Variants in TRAPPC8 observed in about 807,000 individuals in gnomAD.
TRAPPC8 encodes general sporulation gene 1 homolog.
TRAPPC8 carries 54 observed loss-of-function variants against 174.3 expected under a neutral mutation model. That is an observed-to-expected ratio of 0.31 (90% CI 0.25 to 0.39). TRAPPC8 has a LOEUF of 0.39. TRAPPC8 is among the 10% of genes least tolerant of loss of function. TRAPPC8 has a pLI of 1.00. For missense variants in TRAPPC8, 1,531 were observed against 1,699.1 expected (o/e 0.90, Z 1.74); for synonymous variants, 630 against 579.9 (o/e 1.09, Z -1.24).
chr18:31,927,159 G>C (rs1031814276), intron 2 of TRAPPC8, among the ~76,000 whole-genome samples: 5 of 152,100 alleles, frequency 3.3e-5, no homozygotes, highest in Non-Finnish European at 5.9e-5. Context: ...CTAGGTTGGA[G>C]TGCAGTTGCG....
At chr18:31,930,472 T>C (rs1455806027) in intron 2 of TRAPPC8, among the ~76,000 whole-genome samples, 1 of 152,220 alleles carries the variant, frequency 6.6e-6, no homozygotes, top group East Asian at 1.9e-4. Context: ...TATTAGATTA[T>C]AAACTATCCT....
At chr18:31,850,266 T>G (rs1278351904) in intron 24 of TRAPPC8, among the ~76,000 whole-genome samples, 1 of 152,110 alleles carries the variant, frequency 6.6e-6, no homozygotes, top group Non-Finnish European at 1.5e-5. Flanking sequence ...TTACCCTGAA[T>G]CTTAAAGCCG....
intron 12 of TRAPPC8, chr18:31,883,238 A>T (rs1336280428): frequency 1.3e-5 from 2 of 151,688 alleles, no homozygotes; most frequent in Non-Finnish European, 2.9e-5. Flanking sequence ...AAAAAAAAAA[A>T]AAAAAGAGAG....
At position 31,916,342 on chromosome 18, in the gene TRAPPC8, T is replaced by G. The variant is rs1457063447; in HGVS notation, c.547A>C (p.Lys183Gln). 2 of 1,613,538 alleles carry G rather than the reference T, an allele frequency of 1.2e-6. No homozygotes were observed. Residue 183 changes from lysine (K) to glutamine (Q), a missense_variant, in exon 4 of 29, where the codon AAG (lysine) becomes CAG (glutamine). Physicochemically the swap from Lys to Gln is moderately conservative, Grantham distance 53. Coordinates refer to ENST00000283351, the MANE Select transcript of TRAPPC8 (RefSeq NM_014939.5). ...TTAAGTGTATTTGGTATAAACCACT[T>G]GGGGTAGGAATAATCACTGTTGTGC... ...IQHNSDYSYP[K>Q]WFIPNTLKYY... is the part of the protein sequence containing the mutation.
At chr18:31,936,561 A>C (rs924808157) in intron 1 of TRAPPC8, among the ~76,000 whole-genome samples, 5 of 152,190 alleles carry the variant, frequency 3.3e-5, no homozygotes, top group African/African-American at 1.2e-4. Flanking sequence ...TAATTACTTC[A>C]TTATATAAAC....
intron 2 of TRAPPC8, among the ~76,000 whole-genome samples, chr18:31,925,845 C>T (rs996693835): frequency 1.4e-5 from 2 of 147,150 alleles, no homozygotes; most frequent in African/African-American, 4.9e-5. Flanking sequence ...TGATTTATAA[C>T]TAACAATGTA....
chr18:31,908,666 A>T, intron 7 of TRAPPC8, 88 bp downstream of exon 7: 1 of 1,351,380 alleles, frequency 7.4e-7, no homozygotes. Flanking sequence ...AAACGAAAAT[A>T]AAACAAAACT....
chr18:31,856,857 G>A (rs1242844921), intron 20 of TRAPPC8, among the ~76,000 whole-genome samples: 1 of 125,750 alleles, frequency 8.0e-6, no homozygotes, highest in Non-Finnish European at 1.6e-5. Flanking sequence ...TGTCACCCAA[G>A]CTGGAGGACA....
At chr18:31,940,194 C>T (rs957200313) in intron 1 of TRAPPC8, among the ~76,000 whole-genome samples, 18 of 152,114 alleles carry the variant, frequency 1.2e-4, no homozygotes, top group African/African-American at 3.1e-4. Flanking sequence ...AAACTAATTT[C>T]GGCCGGGCAC....
At chr18:31,923,290 G>GA (rs1555679913) in intron 2 of TRAPPC8, among the ~76,000 whole-genome samples, 2 of 151,974 alleles carry the variant, frequency 1.3e-5, no homozygotes, top group Admixed American at 6.6e-5. Flanking sequence ...CCTAAGTGGG[G>GA]AAAAAAAGAC....
intron 1 of TRAPPC8, among the ~76,000 whole-genome samples, chr18:31,940,914 G>GT (rs2038309305): frequency 1.0e-5 from 1 of 98,792 alleles, no homozygotes; most frequent in East Asian, 2.1e-4. Context: ...AGAACACAAT[G>GT]TCTTGAGTCA....
At chr18:31,877,498 C>T (rs917932734) in intron 12 of TRAPPC8, among the ~76,000 whole-genome samples, 1 of 151,262 alleles carries the variant, frequency 6.6e-6, no homozygotes, top group African/African-American at 2.4e-5. Context: ...TGTAGTCCCA[C>T]CTACTCGGGA....
intron 13 of TRAPPC8, 192 bp downstream of exon 13, chr18:31,874,288 C>A: frequency 3.7e-6 from 2 of 536,028 alleles, no homozygotes; most frequent in South Asian, 3.1e-5. Context: ...TATTAAAATT[C>A]TCTTTTCAAG....
At chr18:31,909,639 G>C in intron 6 of TRAPPC8, 28 bp downstream of exon 6, 1 of 1,579,940 alleles carries the variant, frequency 6.3e-7, no homozygotes, top group Non-Finnish European at 8.5e-7. Flanking sequence ...TCAATCAAAA[G>C]AGAAACTTAG....
chr18:31,855,313 T>C (rs938629969), intron 21 of TRAPPC8, among the ~76,000 whole-genome samples: 1 of 152,250 alleles, frequency 6.6e-6, no homozygotes, highest in South Asian at 2.1e-4. Context: ...CAAGTTAATA[T>C]TGAATGTGAT....
At chr18:31,907,936 AT>A (rs1038425322) in intron 8 of TRAPPC8, among the ~76,000 whole-genome samples, 1 of 152,230 alleles carries the variant, frequency 6.6e-6, no homozygotes, top group African/African-American at 2.4e-5. Context: ...TGGATTAATT[AT>A]ATTTTTTCCT....
At chr18:31,922,076 T>C (rs1254996584) in intron 2 of TRAPPC8, among the ~76,000 whole-genome samples, 2 of 152,190 alleles carry the variant, frequency 1.3e-5, no homozygotes, top group Admixed American at 6.5e-5. Flanking sequence ...TAGATTTTTA[T>C]TGTGTTTTAA....
intron 9 of TRAPPC8, among the ~76,000 whole-genome samples, chr18:31,904,827 C>T (rs1409179714): frequency 6.6e-6 from 1 of 151,874 alleles, no homozygotes; most frequent in Non-Finnish European, 1.5e-5. Context: ...GTCAGGAGCT[C>T]GAGATCAGCC....
In TRAPPC8 at chr18:31,873,007, CTTTTTTTTTTTTT is replaced by C. The variant is rs59209328; in HGVS notation, c.2062+410_2062+422del. On this transcript the variant is annotated intron_variant, in intron 14 of 28. Transcript: ENST00000283351. ...AAGTAATAGAGAGCTATTCATTTTCCTTTTTTTTTTTTTTTTTTTTTTTTTTTTGAGACAAAGT... is the reference window on the plus strand; with the variant it reads ...AAGTAATAGAGAGCTATTCATTTTCCTTTTTTTTTTTTTTTGAGACAAAGT... 1.4e-3 allele frequency among the ~76,000 whole-genome samples: 103 copies of C among 74,632 alleles called. No individual in the cohort carries two copies. The South Asian group carries it at 0.043, about 31-fold the overall frequency. The allele number at this position is 74,632 out of a possible 152,430, so 49.0% of individuals were successfully genotyped here.
Sources: allele counts gnomAD v4.1 joint callset (sites outside exome capture counted in the v4.1 genomes callset), GRCh38; gene constraint gnomAD v4.1.1; transcripts MANE v1.5; gene names NCBI Gene and HGNC (gene_info 2026-07-23, HGNC 2026-07-21).